CARF: variants seen among roughly 807,000 people sequenced by gnomAD.
The protein encoded by CARF is calcium-responsive transcription factor.
In CARF, 57 loss-of-function variants were observed where a neutral mutation model predicts 82.0. That is an observed-to-expected ratio of 0.70 (90% CI 0.56 to 0.87). CARF has a LOEUF of 0.87. CARF is among the 40% of genes least tolerant of loss of function. The pLI is 0.00. For synonymous variants in CARF, 268 were observed against 290.1 expected (o/e 0.92, Z 0.77); for missense variants, 771 against 855.8 (o/e 0.90, Z 1.24).
chr2:202,986,863 T>C lies in CARF; in HGVS notation c.*3239T>C, dbSNP rs1402571700. 9.7e-6 allele frequency: 1 copy of C among 103,348 alleles called. No homozygotes were observed. Among genetic ancestry groups the C allele is most frequent in the Non-Finnish European group, 1.9e-5 (1 of 51,688 alleles). 6.4% of individuals were successfully genotyped at this position (103,348 alleles called of 1,614,324 possible). A position where few individuals can be genotyped will look rare whatever the true frequency, so the allele number is the denominator to read the frequency against. On this transcript the variant is annotated 3_prime_UTR_variant, in exon 17 of 17. Transcript: ENST00000438828. The stretch of plus-strand genomic sequence containing the variant: ...TAAAAAAAGAGGTTTAAAAAATGTC[T>C]GTGCGTATATATATATATATATATA...
rs116945957 is a variant in CARF at position 202,954,132 on chromosome 2, C to T, written c.555C>T (p.Thr185=). Residue 185 remains threonine (T), a splice_region_variant and synonymous_variant, in exon 7 of 17, where the codon ACC becomes ACT. Transcript: ENST00000438828. ...TSFPLPKKSV[T]GMLEEPLLGP... is the part of the protein sequence containing the mutation. ...TCCCATTGCCCAAAAAGTCAGTGAC[C>T]GGGTGAGTCCACGGGAAAGAGAAGC... 2.1e-4 allele frequency: 332 copies of T among 1,610,880 alleles called. 1 individual carries two copies. In the East Asian group the frequency reaches 4.1e-3, roughly 20 times the overall value.
rs546931903 is a variant in CARF at position 202,929,836 on chromosome 2, T to A, written c.-44+5421T>A. The stretch of plus-strand genomic sequence containing the variant: ...TTGGAATCCTGGGCTCAAGCAATCC[T>A]CCTGCCTCAGCCTTCTGAGTAGCTG... On this transcript the variant is annotated intron_variant, in intron 3 of 16. Transcript: ENST00000438828. 4.0e-4 allele frequency among the ~76,000 whole-genome samples: 61 copies of A among 152,260 alleles called. No homozygotes were observed. In the East Asian group the frequency reaches 9.1e-3, roughly 23 times the overall value.
chr2:202,927,306 T>C (rs1692023242), intron 3 of CARF, among the ~76,000 whole-genome samples: 1 of 150,992 alleles, frequency 6.6e-6, no homozygotes, highest in Admixed American at 6.6e-5. Flanking sequence ...AATGGACACA[T>C]AGTTCATTAA....
chr2:202,921,718 G>A (rs1690829289), intron 2 of CARF, among the ~76,000 whole-genome samples: 1 of 152,150 alleles, frequency 6.6e-6, no homozygotes, highest in East Asian at 1.9e-4. Flanking sequence ...ATGCAAAAAT[G>A]TCAATAGTGA....
chr2:202,914,039 C>T (rs534833659), intron 1 of CARF, among the ~76,000 whole-genome samples: 22 of 152,236 alleles, frequency 1.4e-4, no homozygotes, highest in East Asian at 1.2e-3. Context: ...TTATGTTTTA[C>T]GGTTTTTTTC....
chr2:202,949,835 C>CCAT (rs2058679495), intron 5 of CARF, among the ~76,000 whole-genome samples: 1 of 152,112 alleles, frequency 6.6e-6, no homozygotes, highest in African/African-American at 2.4e-5. Context: ...CAGGCGTGAG[C>CCAT]CATCGTGCCT....
At chr2:202,968,844 C>G (rs139456149) in intron 10 of CARF, among the ~76,000 whole-genome samples, 1 of 152,232 alleles carries the variant, frequency 6.6e-6, no homozygotes, top group Non-Finnish European at 1.5e-5. Flanking sequence ...TATGATTTAA[C>G]TACCTATTTA....
At chr2:202,931,544 G>A (rs1692941375) in intron 3 of CARF, among the ~76,000 whole-genome samples, 1 of 152,152 alleles carries the variant, frequency 6.6e-6, no homozygotes. Context: ...GTGTTTCTGT[G>A]TCAATGTCTG....
chr2:202,973,025 AG>A (rs1289342620), intron 12 of CARF, among the ~76,000 whole-genome samples: 2 of 152,132 alleles, frequency 1.3e-5, no homozygotes, highest in Non-Finnish European at 2.9e-5. Context: ...GATGCACCCA[AG>A]AAGATGGGAT....
intron 2 of CARF, among the ~76,000 whole-genome samples, chr2:202,921,041 G>A (rs1027100104): frequency 3.3e-5 from 5 of 151,922 alleles, no homozygotes; most frequent in East Asian, 3.9e-4. Context: ...TCACTCTGTC[G>A]CCCAGGCTGG....
At chr2:202,925,565 C>A in intron 3 of CARF, 1 of 244,492 alleles carries the variant, frequency 4.1e-6, no homozygotes, top group Non-Finnish European at 8.2e-6. Context: ...CACATGAAGA[C>A]AGATCTCTAA....
intron 5 of CARF, among the ~76,000 whole-genome samples, chr2:202,948,903 G>C (rs891894579): frequency 1.3e-5 from 2 of 152,046 alleles, no homozygotes; most frequent in African/African-American, 2.4e-5. Context: ...AGTGGTGAGA[G>C]AGGGCATCCT....
intron 5 of CARF, among the ~76,000 whole-genome samples, chr2:202,945,061 T>C (rs1234596581): frequency 6.6e-6 from 1 of 152,162 alleles, no homozygotes; most frequent in East Asian, 1.9e-4. Flanking sequence ...AAACAGATTA[T>C]AAGAAAGAAT....
chr2:202,930,045 G>A (rs1030255930), intron 3 of CARF, among the ~76,000 whole-genome samples: 3 of 151,816 alleles, frequency 2.0e-5, no homozygotes, highest in Non-Finnish European at 2.9e-5. Flanking sequence ...GTGTGTGGGG[G>A]GTTTTGTTTT....
At chr2:202,918,322 C>T (rs1167677622) in intron 2 of CARF, among the ~76,000 whole-genome samples, 1 of 152,052 alleles carries the variant, frequency 6.6e-6, no homozygotes, top group Non-Finnish European at 1.5e-5. Context: ...AGATTGAGAC[C>T]ATCCTGGCTA....
chr2:202,922,602 A>C (rs980914195), intron 2 of CARF, among the ~76,000 whole-genome samples: 63 of 152,266 alleles, frequency 4.1e-4, no homozygotes, highest in Non-Finnish European at 9.0e-4. Flanking sequence ...CCAGAGTTTC[A>C]GACAAGCCTG....
rs748128255 is a variant in CARF, at chr2:202,981,612, C to G, written c.1616C>G (p.Ser539Cys). ...TKVETNQTRG[S>C]LSPEPTHLLS... is the part of the protein sequence containing the mutation. ...GTGGAAACAAATCAGACCAGGGGTT[C>G]TTTGTCTCCTGAGCCAACCCACTTG... is the stretch of plus-strand genomic sequence containing the variant. Residue 539 changes from serine (S) to cysteine (C), a missense_variant, in exon 15 of 17, where the codon TCT (serine) becomes TGT (cysteine). Physicochemically the swap from Ser to Cys is moderately radical, Grantham distance 112. Coordinates refer to ENST00000438828, the MANE Select transcript of CARF (RefSeq NM_024744.17). The G allele has an allele frequency of 1.2e-6, 2 of 1,611,172 alleles. No individual in the cohort carries two copies. Among genetic ancestry groups the G allele is most frequent in the Non-Finnish European group, 1.7e-6 (2 of 1,178,018 alleles).
Position 202,971,521 on chromosome 2 carries a change from C to A in CARF, c.1114C>A (p.Pro372Thr). The A allele has an allele frequency of 6.2e-7, 1 of 1,611,092 alleles. No individual in the cohort carries two copies. Among genetic ancestry groups the A allele is most frequent in the Non-Finnish European group, 8.5e-7 (1 of 1,177,752 alleles). ...GGVLRWYVQL[P>T]TQQAHQYHEL... The stretch of plus-strand genomic sequence containing the variant: ...TCTTACCAGGTGGTATGTACAGTTA[C>A]CTACACAGCAAGCTCATCAGTATCA... Residue 372 changes from proline to threonine, a missense_variant, in exon 12 of 17, where the codon CCT becomes ACT. Physicochemically the swap from Pro to Thr is conservative, Grantham distance 38. Coordinates refer to ENST00000438828, the MANE Select transcript of CARF (RefSeq NM_024744.17).
In CARF at chr2:202,942,848, A is replaced by G. The variant is rs1230780980; in HGVS notation, c.187A>G (p.Ile63Val). The change falls in exon 5 of 17, where the codon ATA becomes GTA. Residue 63 changes from isoleucine to valine, a missense_variant. Physicochemically the swap from Ile to Val is conservative, Grantham distance 29. Transcript: ENST00000438828. The part of the protein sequence containing the change: ...EANNSLISQN[I>V]PGPLTQTQTL... ...AAATAATTCACTCATATCACAGAATATACCAGGGCCCCTGACTCAGACACA... is the reference window on the plus strand; with the variant it reads ...AAATAATTCACTCATATCACAGAATGTACCAGGGCCCCTGACTCAGACACA... The G allele has an allele frequency of 5.6e-6, 9 of 1,614,026 alleles. No individual in the cohort carries two copies. Among genetic ancestry groups the G allele is most frequent in the Non-Finnish European group, 7.6e-6 (9 of 1,180,022 alleles).
Sources: allele counts gnomAD v4.1 joint callset (sites outside exome capture counted in the v4.1 genomes callset), GRCh38; gene constraint gnomAD v4.1.1; transcripts MANE v1.5; gene names NCBI Gene and HGNC (gene_info 2026-07-23, HGNC 2026-07-21).